Variants in PAPSS1 observed in about 807,000 individuals in gnomAD.
The protein encoded by PAPSS1 is bifunctional 3'-phosphoadenosine 5'-phosphosulfate synthase 1.
PAPSS1 carries 50 observed loss-of-function variants against 72.0 expected under a neutral mutation model. That is an observed-to-expected ratio of 0.69 (90% CI 0.55 to 0.88). The LOEUF is 0.88. Among genes scored for constraint, PAPSS1 ranks in the 40% least tolerant of loss-of-function variants. The pLI, the probability that PAPSS1 is intolerant of heterozygous loss-of-function variation, is 0.00. For missense variants in PAPSS1, 657 were observed against 782.2 expected (o/e 0.84, Z 1.91); for synonymous variants, 261 against 263.6 (o/e 0.99, Z 0.09).
intron 9 of PAPSS1, among the ~76,000 whole-genome samples, chr4:107,647,891 G>T (rs887162799): frequency 6.6e-6 from 1 of 152,114 alleles, no homozygotes; most frequent in Non-Finnish European, 1.5e-5. Flanking sequence ...GCTTCTCTTA[G>T]CCACATCTCT....
chr4:107,649,826 A>G (rs1459313080), intron 9 of PAPSS1, among the ~76,000 whole-genome samples: 1 of 152,264 alleles, frequency 6.6e-6, no homozygotes, highest in Admixed American at 6.5e-5. Context: ...CTTTGCAATC[A>G]GCAGGACACC....
At chr4:107,692,682 A>G (rs892393340) in intron 3 of PAPSS1, among the ~76,000 whole-genome samples, 10 of 152,136 alleles carry the variant, frequency 6.6e-5, no homozygotes, top group African/African-American at 2.2e-4. Flanking sequence ...AGATACATGC[A>G]TGAGTATGTT....
intron 1 of PAPSS1, among the ~76,000 whole-genome samples, chr4:107,706,213 T>A (rs975330370): frequency 6.6e-6 from 1 of 152,222 alleles, no homozygotes; most frequent in African/African-American, 2.4e-5. Flanking sequence ...TTTCTGTTGT[T>A]ATTTAAATAA....
intron 9 of PAPSS1, among the ~76,000 whole-genome samples, chr4:107,647,221 A>G (rs1043390207): frequency 1.3e-5 from 2 of 152,216 alleles, no homozygotes; most frequent in African/African-American, 4.8e-5. Flanking sequence ...TAGTTCCTTC[A>G]ACTCCAGCAG....
chr4:107,713,535 A>T (rs568060656), intron 1 of PAPSS1, among the ~76,000 whole-genome samples: 1 of 152,228 alleles, frequency 6.6e-6, no homozygotes, highest in South Asian at 2.1e-4. Context: ...CGAGGTGGGC[A>T]GATCACGAGG....
intron 6 of PAPSS1, among the ~76,000 whole-genome samples, chr4:107,658,790 G>A (rs1410963970): frequency 6.6e-6 from 1 of 152,092 alleles, no homozygotes; most frequent in African/African-American, 2.4e-5. Context: ...GTATCTGTTA[G>A]GGATTGAATG....
At chr4:107,713,248 T>A (rs1367242543) in intron 1 of PAPSS1, among the ~76,000 whole-genome samples, 1 of 152,142 alleles carries the variant, frequency 6.6e-6, no homozygotes, top group African/African-American at 2.4e-5. Context: ...ATAGATTATA[T>A]AATTTCATTT....
chr4:107,667,107 A>C (rs1157015684), intron 5 of PAPSS1, among the ~76,000 whole-genome samples: 1 of 152,168 alleles, frequency 6.6e-6, no homozygotes, highest in East Asian at 1.9e-4. Context: ...AAGGCATTAG[A>C]GAGATTGAGT....
In PAPSS1 at chr4:107,653,503, C is replaced by A. The variant is rs1469126043; in HGVS notation, c.1225G>T (p.Asp409Tyr). 1 of 1,611,216 alleles carries A rather than the reference C, an allele frequency of 6.2e-7. No individual in the cohort carries two copies. Among genetic ancestry groups the A allele is most frequent in the Non-Finnish European group, 8.5e-7 (1 of 1,178,806 alleles). The change falls in exon 9 of 12, where the codon GAT (aspartate) becomes TAT (tyrosine). Residue 409 changes from aspartate (D) to tyrosine (Y), a missense_variant. Physicochemically the swap from Asp to Tyr is radical, Grantham distance 160 (BLOSUM62 -3). Transcript: ENST00000265174. ...TPTELKQKFK[D>Y]MNADAVFAFQ... is the part of the protein sequence containing the mutation. ...ATCCATGTCTTACCAGCATTCATAT[C>A]TTTAAATTTCTGCTTTAGCTCAGTA...
At chr4:107,652,559 CT>C (rs1443995808) in intron 9 of PAPSS1, among the ~76,000 whole-genome samples, 1 of 152,188 alleles carries the variant, frequency 6.6e-6, no homozygotes, top group East Asian at 1.9e-4. Flanking sequence ...TAATGTCTCT[CT>C]CTTCTATACC....
chr4:107,645,303 T>A (rs979341773), intron 9 of PAPSS1, among the ~76,000 whole-genome samples: 3 of 152,068 alleles, frequency 2.0e-5, no homozygotes, highest in Non-Finnish European at 4.4e-5. Context: ...TCTGAGGATA[T>A]GTACTATAAC....
rs111494316 is a variant in PAPSS1 at position 107,700,068 on chromosome 4, G to T, written c.175+1103C>A. ...AATTTAACTGTCTGGAATTAAGAAT[G>T]AGGAAATGGGAAGAATGTGAGAGTG... On this transcript the variant is annotated intron_variant, in intron 2 of 11. Coordinates refer to ENST00000265174, the MANE Select transcript of PAPSS1 (RefSeq NM_005443.5). Among the ~76,000 whole-genome samples the T allele has an allele frequency of 4.5e-3, 689 of 152,260 alleles. 4 individuals are homozygous for T. The highest frequency in any genetic ancestry group is 0.016 in the African/African-American group (655 of 41,542).
At chr4:107,628,115 C>A (rs1726144888) in intron 11 of PAPSS1, among the ~76,000 whole-genome samples, 3 of 152,086 alleles carry the variant, frequency 2.0e-5, no homozygotes, top group African/African-American at 7.2e-5. Flanking sequence ...AGTCAGGAGT[C>A]CTTTTACACT....
chr4:107,668,444 T>C (rs1227887466), intron 5 of PAPSS1, among the ~76,000 whole-genome samples: 4 of 152,186 alleles, frequency 2.6e-5, no homozygotes, highest in Non-Finnish European at 4.4e-5. Context: ...ATACAAAGCA[T>C]TGATCCTGGG....
In PAPSS1 at chr4:107,693,953, C is replaced by T. The variant is rs374094277; in HGVS notation, c.229G>A (p.Val77Ile). The T allele has an allele frequency of 2.5e-6, 4 of 1,613,806 alleles. No homozygotes were observed. The highest frequency in any genetic ancestry group is 1.7e-6 in the Non-Finnish European group (2 of 1,179,850). ...TVSMALEEYL[V>I]CHGIPCYTLD... ...GTGTAGCATGGAATACCATGACAAA[C>T]CAGGTACTCCTCCAAGGCCATGCTC... Residue 77 changes from valine (V) to isoleucine (I), a missense_variant, in exon 3 of 12, where the codon GTT (valine) becomes ATT (isoleucine). Around this residue, in one of 7 missense-constraint regions of PAPSS1, gnomAD observed 119 missense variants for 171.1 expected, o/e 0.70. Transcript: ENST00000265174.
intron 5 of PAPSS1, among the ~76,000 whole-genome samples, chr4:107,673,220 T>C (rs1185945233): frequency 6.6e-6 from 1 of 152,138 alleles, no homozygotes; most frequent in Middle Eastern, 3.2e-3. Flanking sequence ...AGAATGACTT[T>C]GACGAGTTGA....
chr4:107,618,110 A>G (rs1725869674), intron 11 of PAPSS1, among the ~76,000 whole-genome samples: 1 of 152,194 alleles, frequency 6.6e-6, no homozygotes, highest in South Asian at 2.1e-4. Flanking sequence ...GAAGCTCTCC[A>G]AAGAAAGAAA....
At chr4:107,709,823 T>C (rs1419582392) in intron 1 of PAPSS1, among the ~76,000 whole-genome samples, 1 of 152,204 alleles carries the variant, frequency 6.6e-6, no homozygotes, top group South Asian at 2.1e-4. Flanking sequence ...TAAAAAACTC[T>C]GGCCTCTAAA....
chr4:107,718,005 T>G (rs1723681034), intron 1 of PAPSS1, among the ~76,000 whole-genome samples: 1 of 152,224 alleles, frequency 6.6e-6, no homozygotes, highest in Admixed American at 6.5e-5. Flanking sequence ...TATTAATTCA[T>G]TTAAACCTTA....
Sources: allele counts gnomAD v4.1 joint callset (sites outside exome capture counted in the v4.1 genomes callset), GRCh38; gene constraint gnomAD v4.1.1; regional missense constraint gnomAD v4.1.1; transcripts MANE v1.5; gene names NCBI Gene and HGNC (gene_info 2026-07-23, HGNC 2026-07-21).